The following AMD1 variants were observed in gnomAD, a reference collection of about 807,000 sequenced individuals.
AMD1 encodes the protein adenosylmethionine decarboxylase 1, also known as S-adenosylmethionine decarboxylase proenzyme.
Under a neutral mutation model 40.2 loss-of-function variants are expected in AMD1, and 11 were observed. That is an observed-to-expected ratio of 0.27 (90% CI 0.17 to 0.45). AMD1 has a LOEUF of 0.45. Among genes scored for constraint, AMD1 ranks in the 20% least tolerant of loss-of-function variants. The probability of loss-of-function intolerance (pLI) is 1.00; values close to 1 mark genes in which losing one functional copy is unlikely to be tolerated. For missense variants in AMD1, 257 were observed against 410.2 expected (o/e 0.63, Z 3.23); for synonymous variants, 121 against 130.8 (o/e 0.93, Z 0.51).
At chr6:110,890,454 C>A in intron 4 of AMD1, 98 bp downstream of exon 4, 2 of 850,518 alleles carry the variant, frequency 2.4e-6, no homozygotes, top group South Asian at 1.5e-5. Flanking sequence ...GCATATATAG[C>A]ATTCTACACA....
chr6:110,884,739 T>C (rs934148895), intron 1 of AMD1, among the ~76,000 whole-genome samples: 1 of 151,702 alleles, frequency 6.6e-6, no homozygotes, highest in Non-Finnish European at 1.5e-5. Flanking sequence ...AAAACAAAAA[T>C]AAGAAAGGAA....
intron 6 of AMD1, 85 bp from the exon 7 acceptor site, chr6:110,892,650 T>C (rs1583224386): frequency 1.4e-6 from 2 of 1,384,388 alleles, no homozygotes; most frequent in Non-Finnish European, 1.0e-6. Flanking sequence ...GTCCTCTCCC[T>C]TCTCCCACCC....
intron 1 of AMD1, among the ~76,000 whole-genome samples, chr6:110,880,114 C>T (rs1785321171): frequency 6.6e-6 from 1 of 152,114 alleles, no homozygotes; most frequent in African/African-American, 2.4e-5. Flanking sequence ...CACCACGATG[C>T]CTGGCTAATT....
chr6:110,856,282 G>A, the AMD1 span: 1 of 151,994 alleles, frequency 6.6e-6, no homozygotes, highest in African/African-American at 2.4e-5. Flanking sequence ...CCTCATTTAT[G>A]AGCATGCATA....
At chr6:110,832,680 C>T in the AMD1 span, among the ~76,000 whole-genome samples, 2 of 152,166 alleles carry the variant, frequency 1.3e-5, no homozygotes, top group Non-Finnish European at 2.9e-5. Context: ...TTTAACTTAT[C>T]ACCACTCAGA....
intron 6 of AMD1, 131 bp from the exon 7 acceptor site, chr6:110,892,604 G>C (rs1377648757): frequency 2.9e-6 from 4 of 1,389,248 alleles, no homozygotes; most frequent in South Asian, 1.3e-5. Flanking sequence ...TCGTCACCCA[G>C]GTGTTAAGCC....
the AMD1 span, chr6:110,815,188 C>CCCTCCT: frequency 2.7e-6 from 4 of 1,502,476 alleles, no homozygotes; most frequent in East Asian, 2.7e-5. Flanking sequence ...GCCGCTCAGT[C>CCCTCCT]CCTCCTCCTC....
intron 1 of AMD1, among the ~76,000 whole-genome samples, chr6:110,886,987 G>A (rs1272124583): frequency 6.6e-6 from 1 of 152,170 alleles, no homozygotes; most frequent in African/African-American, 2.4e-5. Flanking sequence ...GAGCTGCGTA[G>A]TATTCCCAAA....
chr6:110,879,722 G>A (rs550626137), intron 1 of AMD1, among the ~76,000 whole-genome samples: 1 of 152,260 alleles, frequency 6.6e-6, no homozygotes, highest in South Asian at 2.1e-4. Context: ...TATGAGGTAA[G>A]AGCAGAATTG....
At chr6:110,820,639 T>C in the AMD1 span, among the ~76,000 whole-genome samples, 3 of 150,802 alleles carry the variant, frequency 2.0e-5, no homozygotes, top group African/African-American at 7.3e-5. Context: ...TGGTGGCTGA[T>C]GCCTGTAATC....
chr6:110,841,988 A>G, the AMD1 span, among the ~76,000 whole-genome samples: 1 of 152,032 alleles, frequency 6.6e-6, no homozygotes, highest in Non-Finnish European at 1.5e-5. Flanking sequence ...TTTGTAGTAG[A>G]GATGGGTTTT....
At chr6:110,823,410 C>T in the AMD1 span, among the ~76,000 whole-genome samples, 2 of 152,034 alleles carry the variant, frequency 1.3e-5, no homozygotes, top group African/African-American at 2.4e-5. Context: ...GAAAGGCATC[C>T]GAATTGGAAA....
At chr6:110,831,840 T>G in the AMD1 span, among the ~76,000 whole-genome samples, 1 of 152,108 alleles carries the variant, frequency 6.6e-6, no homozygotes, top group African/African-American at 2.4e-5. Context: ...GCAATTCTTT[T>G]TTTAATTTAT....
the AMD1 span, chr6:110,814,841 G>C: frequency 5.8e-6 from 5 of 862,502 alleles, no homozygotes; most frequent in Non-Finnish European, 9.1e-6. Flanking sequence ...GCGCGGGGGA[G>C]GCGGGCGGAA....
At chr6:110,885,995 C>T (rs1384248113) in intron 1 of AMD1, among the ~76,000 whole-genome samples, 1 of 152,178 alleles carries the variant, frequency 6.6e-6, no homozygotes. Context: ...TGGCTCATGC[C>T]TGTAATCCCA....
chr6:110,849,422 A>C, the AMD1 span, among the ~76,000 whole-genome samples: 1 of 152,236 alleles, frequency 6.6e-6, no homozygotes. Context: ...TAAAAGAATT[A>C]TGGGCTGACA....
chr6:110,874,543 C>T (rs1212115674), upstream of AMD1, among the ~76,000 whole-genome samples: 7 of 152,326 alleles, frequency 4.6e-5, no homozygotes, highest in East Asian at 1.3e-3. Context: ...TCCGAGGTTT[C>T]TAGTCCCCAG....
chr6:110,843,810 A>G, the AMD1 span, among the ~76,000 whole-genome samples: 1 of 151,910 alleles, frequency 6.6e-6, no homozygotes, highest in Non-Finnish European at 1.5e-5. Context: ...CTGGTCTCAA[A>G]CTCATGAGCT....
intron 1 of AMD1, among the ~76,000 whole-genome samples, chr6:110,885,201 C>T (rs147696303): frequency 1.0e-3 from 156 of 152,218 alleles, no homozygotes; most frequent in African/African-American, 3.6e-3. Context: ...ACTGCAATCT[C>T]CATCTCCCGC....
Sources: gnomAD v4.1 joint callset for allele counts (sites outside exome capture counted in the v4.1 genomes callset) on GRCh38, gnomAD v4.1.1 for gene constraint, MANE v1.5 for transcripts, NCBI Gene and HGNC (gene_info 2026-07-23, HGNC 2026-07-21) for gene names.